SCAMP1: variants seen among roughly 807,000 people sequenced by gnomAD.
SCAMP1 encodes the protein secretory carrier membrane protein 1.
In SCAMP1, 15 loss-of-function variants were observed where a neutral mutation model predicts 41.8. The ratio of observed to expected loss-of-function variants is 0.36; its 90% CI spans 0.24 to 0.55. SCAMP1 has a LOEUF of 0.55. Among genes scored for constraint, SCAMP1 ranks in the 20% least tolerant of loss-of-function variants. The pLI is 0.86. For missense variants in SCAMP1, 341 were observed against 412.6 expected (o/e 0.83, Z 1.50); for synonymous variants, 135 against 136.8 (o/e 0.99, Z 0.09).
At position 78,360,635 on chromosome 5, in the gene SCAMP1, C is replaced by A. The variant is rs372743012; in HGVS notation, c.-37C>A. 2.5e-6 allele frequency: 4 copies of A among 1,588,070 alleles called. No individual in the cohort carries two copies. The highest frequency in any genetic ancestry group is 3.3e-4 in the Middle Eastern group (2 of 6,054). On this transcript the variant is annotated 5_prime_UTR_variant, in exon 1 of 9. Coordinates refer to ENST00000621999, the MANE Select transcript of SCAMP1 (RefSeq NM_004866.6). ...CGGCCTCGCCTCGTCTCTCTCTCTG[C>A]GCCTGGGTCGGGTGGGTGACGCCGA...
chr5:78,417,781 A>G (rs956327273), intron 4 of SCAMP1, among the ~76,000 whole-genome samples: 1 of 152,188 alleles, frequency 6.6e-6, no homozygotes, highest in Non-Finnish European at 1.5e-5. Context: ...GCCGCTTCTC[A>G]AATAGTATGA....
At chr5:78,384,109 A>G (rs1042190794) in intron 1 of SCAMP1, among the ~76,000 whole-genome samples, 21 of 149,912 alleles carry the variant, frequency 1.4e-4, no homozygotes, top group Non-Finnish European at 1.5e-4. Context: ...GATTTCTTTC[A>G]GCAGTGTTCT....
intron 6 of SCAMP1, among the ~76,000 whole-genome samples, chr5:78,433,706 A>T (rs780386796): frequency 6.6e-6 from 1 of 151,728 alleles, no homozygotes; most frequent in Non-Finnish European, 1.5e-5. Context: ...CTCTTCGCAC[A>T]CTCTTCCCCC....
chr5:78,438,082 C>T (rs143349648), intron 6 of SCAMP1, among the ~76,000 whole-genome samples: 1,992 of 152,150 alleles, frequency 0.013, 29 homozygotes, highest in African/African-American at 0.022. Context: ...TTTTTTATTG[C>T]ATCTATTTGA....
chr5:78,466,328 T>C (rs1344767813), intron 8 of SCAMP1, among the ~76,000 whole-genome samples: 1 of 151,830 alleles, frequency 6.6e-6, no homozygotes, highest in Non-Finnish European at 1.5e-5. Flanking sequence ...ATGATAGAGG[T>C]AAGTATAGGG....
intron 6 of SCAMP1, among the ~76,000 whole-genome samples, chr5:78,435,040 G>A (rs1267026208): frequency 1.3e-5 from 2 of 152,144 alleles, no homozygotes; most frequent in Non-Finnish European, 2.9e-5. Context: ...AACATGTATG[G>A]TGTATCTAAG....
At chr5:78,399,819 T>C (rs1751754511) in intron 2 of SCAMP1, among the ~76,000 whole-genome samples, 1 of 152,220 alleles carries the variant, frequency 6.6e-6, no homozygotes, top group Non-Finnish European at 1.5e-5. Flanking sequence ...AATTATTTCT[T>C]TCAGGGATCA....
intron 1 of SCAMP1, among the ~76,000 whole-genome samples, chr5:78,371,012 GTTAT>G (rs146629814): frequency 0.19 from 28,305 of 151,858 alleles, 3,245 homozygotes; most frequent in Admixed American, 0.34. Flanking sequence ...CTTAGATTGG[GTTAT>G]TTGTCTTTTT....
At chr5:78,472,354 C>T (rs1017339491) in intron 8 of SCAMP1, among the ~76,000 whole-genome samples, 3 of 152,052 alleles carry the variant, frequency 2.0e-5, no homozygotes, top group Non-Finnish European at 4.4e-5. Context: ...CCATTATCTA[C>T]ATTAGGTATT....
chr5:78,370,075 G>C (rs1363463508), intron 1 of SCAMP1, among the ~76,000 whole-genome samples: 1 of 152,178 alleles, frequency 6.6e-6, no homozygotes, highest in Non-Finnish European at 1.5e-5. Context: ...GAAACCTGGC[G>C]TTCTTCTTTC....
intron 4 of SCAMP1, among the ~76,000 whole-genome samples, chr5:78,417,759 C>T (rs368038374): frequency 9.9e-5 from 15 of 152,168 alleles, no homozygotes; most frequent in African/African-American, 3.4e-4. Context: ...CTCTTCTTTA[C>T]GAGTATTCAC....
chr5:78,463,262 A>G (rs1457729831), intron 8 of SCAMP1, among the ~76,000 whole-genome samples: 2 of 152,190 alleles, frequency 1.3e-5, no homozygotes, highest in African/African-American at 4.8e-5. Context: ...CTCTGCTAAG[A>G]CTTTGCAATG....
Position 78,381,951 on chromosome 5 carries a change from A to G in SCAMP1, c.58-6886A>G, listed in dbSNP as rs1432344353. Among the ~76,000 whole-genome samples the G allele has an allele frequency of 3.9e-5, 6 of 152,224 alleles. No individual in the cohort carries two copies. The East Asian group carries it at 1.2e-3, about 29-fold the overall frequency. The stretch of plus-strand genomic sequence containing the variant: ...CTGAAATGGATAAAGGACAGAGGAA[A>G]GAGGTTGGAGGAAGGGAATGGCAAG... On this transcript the variant is annotated intron_variant, in intron 1 of 8. Coordinates refer to ENST00000621999, the MANE Select transcript of SCAMP1 (RefSeq NM_004866.6).
intron 1 of SCAMP1, among the ~76,000 whole-genome samples, chr5:78,378,297 T>G (rs1048822870): frequency 2.0e-5 from 3 of 152,256 alleles, no homozygotes; most frequent in Admixed American, 2.0e-4. Context: ...AAATGACATA[T>G]GTACAGAGAG....
At chr5:78,420,369 T>G (rs1752313263) in intron 5 of SCAMP1, among the ~76,000 whole-genome samples, 1 of 152,250 alleles carries the variant, frequency 6.6e-6, no homozygotes, top group African/African-American at 2.4e-5. Flanking sequence ...GGTCTAAAAC[T>G]TTTTAAGGCA....
chr5:78,375,812 A>T (rs550065939), intron 1 of SCAMP1, among the ~76,000 whole-genome samples: 2 of 152,322 alleles, frequency 1.3e-5, no homozygotes, highest in South Asian at 4.1e-4. Context: ...AAGTGAAATT[A>T]TTCTATGAGC....
intron 2 of SCAMP1, among the ~76,000 whole-genome samples, chr5:78,390,197 T>TG (rs1193139722): frequency 2.0e-5 from 3 of 152,144 alleles, no homozygotes; most frequent in East Asian, 1.9e-4. Context: ...TGGTTGGTGT[T>TG]GGGGGAAAAA....
At chr5:78,396,931 C>A (rs1751666110) in intron 2 of SCAMP1, among the ~76,000 whole-genome samples, 1 of 152,080 alleles carries the variant, frequency 6.6e-6, no homozygotes, top group Non-Finnish European at 1.5e-5. Context: ...GTGTTGGGAG[C>A]AAATGCCTTA....
chr5:78,438,048 A>G (rs573360335), intron 6 of SCAMP1, among the ~76,000 whole-genome samples: 63 of 152,236 alleles, frequency 4.1e-4, no homozygotes, highest in Non-Finnish European at 7.9e-4. Flanking sequence ...TGTCTGTAGG[A>G]TCGGTGGTGA....
Sources: allele counts gnomAD v4.1 joint callset (sites outside exome capture counted in the v4.1 genomes callset), GRCh38; gene constraint gnomAD v4.1.1; transcripts MANE v1.5; gene names NCBI Gene and HGNC (gene_info 2026-07-23, HGNC 2026-07-21).